The following PPM1E variants were observed in gnomAD, a reference collection of about 807,000 sequenced individuals.
PPM1E encodes the protein protein phosphatase, Mg2+/Mn2+ dependent 1E.
A neutral mutation model predicts 65.9 loss-of-function variants in PPM1E; 20 were observed. The ratio of observed to expected loss-of-function variants is 0.30; its 90% confidence interval spans 0.21 to 0.44. The LOEUF is 0.44. Among genes scored for constraint, PPM1E ranks in the 20% least tolerant of loss-of-function variants. The pLI, the probability that PPM1E is intolerant of heterozygous loss-of-function variation, is 1.00. For synonymous variants in PPM1E, 352 were observed against 374.9 expected (o/e 0.94, Z 0.70); for missense variants, 713 against 953.1 (o/e 0.75, Z 3.32).
intron 1 of PPM1E, among the ~76,000 whole-genome samples, chr17:58,787,643 T>A (rs959402657): frequency 3.3e-5 from 5 of 151,944 alleles, no homozygotes; most frequent in African/African-American, 1.2e-4. Context: ...GCACGGTGGC[T>A]CACACCTGTA....
chr17:58,800,579 A>G (rs1342828544), intron 1 of PPM1E, among the ~76,000 whole-genome samples: 1 of 152,130 alleles, frequency 6.6e-6, no homozygotes. Flanking sequence ...GTTTTTGATA[A>G]CAAAGTCAAT....
intron 1 of PPM1E, among the ~76,000 whole-genome samples, chr17:58,907,996 T>G (rs2051579535): frequency 6.6e-6 from 1 of 152,180 alleles, no homozygotes; most frequent in African/African-American, 2.4e-5. Flanking sequence ...TTGATATACT[T>G]GGATTATTTA....
In PPM1E at chr17:58,980,009, G is replaced by A; in HGVS notation, c.1246G>A (p.Ala416Thr). Residue 416 changes from alanine to threonine, a missense_variant, in exon 7 of 7, where the codon GCA (alanine) becomes ACA (threonine). Transcript: ENST00000308249. This position sits in a 1 kb window ranked among gnomAD's most constrained non-coding sequence, Gnocchi z 4.7. ...AEHKPYICGD[A>T]DSASTVLDGT... ...ACATAAGCCATATATCTGTGGGGAT[G>A]CAGATTCTGCCTCCACTGTTCTGGA... The A allele has an allele frequency of 6.2e-7, 1 of 1,614,038 alleles. No individual in the cohort carries two copies. Among genetic ancestry groups the A allele is most frequent in the Non-Finnish European group, 8.5e-7 (1 of 1,179,958 alleles).
intron 6 of PPM1E, among the ~76,000 whole-genome samples, chr17:58,976,718 C>T (rs1006592420): frequency 9.9e-5 from 15 of 152,186 alleles, no homozygotes; most frequent in African/African-American, 3.1e-4. Context: ...ATGAATTTGA[C>T]ACCCAACAGT....
chr17:58,980,293 A>T lies in PPM1E; in HGVS notation c.1530A>T (p.Gly510=). 1 of 1,614,192 alleles carries T rather than the reference A, an allele frequency of 6.2e-7. No individual in the cohort carries two copies. The highest frequency in any genetic ancestry group is 8.5e-7 in the Non-Finnish European group (1 of 1,180,030). The change falls in exon 7 of 7, where the codon GGA becomes GGT. Residue 510 remains glycine, a synonymous_variant. Coordinates refer to ENST00000308249, the MANE Select transcript of PPM1E (RefSeq NM_014906.5). This position sits in a 1 kb window ranked among gnomAD's most constrained non-coding sequence, Gnocchi z 4.7. ...ESDWTENSFQ[G]GQEDGGDDKE... Reference sequence around the variant, plus strand: ...ATTGGACAGAGAACTCTTTTCAAGGAGGGCAAGAAGATGGTGGGGATGATA... The same window carrying T: ...ATTGGACAGAGAACTCTTTTCAAGGTGGGCAAGAAGATGGTGGGGATGATA...
At position 58,983,788 on chromosome 17, in the gene PPM1E, A is replaced by C. The variant is rs895363431; in HGVS notation, c.*2757A>C. ...TTTTCAATTTAACATGGTCTGCATC[A>C]ATCTGTTTGCCTGCTAAACAAGTTA... On this transcript the variant is annotated 3_prime_UTR_variant, in exon 7 of 7. Coordinates refer to ENST00000308249, the MANE Select transcript of PPM1E (RefSeq NM_014906.5). 4 of 152,786 alleles carry C rather than the reference A, an allele frequency of 2.6e-5. No homozygotes were observed. Among genetic ancestry groups the C allele is most frequent in the African/African-American group, 9.6e-5 (4 of 41,594 alleles). 9.5% of individuals were successfully genotyped at this position (152,786 alleles called of 1,614,324 possible).
chr17:58,889,158 A>G (rs115579147), intron 1 of PPM1E, among the ~76,000 whole-genome samples: 33 of 152,304 alleles, frequency 2.2e-4, no homozygotes, highest in African/African-American at 7.9e-4. Flanking sequence ...TTAACCTTAT[A>G]CCAACTTAAC....
At chr17:58,763,689 G>T (rs879591887) in intron 1 of PPM1E, among the ~76,000 whole-genome samples, 4 of 152,112 alleles carry the variant, frequency 2.6e-5, no homozygotes, top group African/African-American at 4.8e-5. Context: ...GTTTTGTCCA[G>T]CAGTACTGTA....
chr17:58,841,680 C>T (rs144526783), intron 1 of PPM1E, among the ~76,000 whole-genome samples: 2,312 of 151,776 alleles, frequency 0.015, 55 homozygotes, highest in African/African-American at 0.052. Context: ...TGCACACCAC[C>T]GTGACCAGCT....
chr17:58,756,571 G>A (rs1020323257), intron 1 of PPM1E, 110 bp downstream of exon 1: 66 of 1,184,760 alleles, frequency 5.6e-5, no homozygotes, highest in African/African-American at 2.1e-4. Context: ...CCTCTCCCCC[G>A]CACCCGCGCC....
intron 1 of PPM1E, among the ~76,000 whole-genome samples, chr17:58,825,219 C>G (rs987015175): frequency 5.6e-5 from 6 of 107,528 alleles, no homozygotes; most frequent in African/African-American, 2.5e-4. Context: ...TTCTCACACA[C>G]ACACTCACAC....
chr17:58,957,307 G>A (rs1184522882), intron 2 of PPM1E, among the ~76,000 whole-genome samples: 1 of 152,136 alleles, frequency 6.6e-6, no homozygotes, highest in Non-Finnish European at 1.5e-5. Flanking sequence ...CCCTGCAGAA[G>A]GAGAATACTT....
intron 1 of PPM1E, among the ~76,000 whole-genome samples, chr17:58,848,655 T>C (rs2050794734): frequency 6.6e-6 from 1 of 152,230 alleles, no homozygotes; most frequent in Admixed American, 6.5e-5. Context: ...CTTTTTGATG[T>C]GCTGCTGGAT....
intron 1 of PPM1E, 33 bp from the exon 2 acceptor site, chr17:58,955,616 G>A: frequency 3.7e-6 from 6 of 1,608,344 alleles, no homozygotes; most frequent in Non-Finnish European, 5.1e-6. Flanking sequence ...TAATTCTTTT[G>A]CTGAAAATGG....
intron 1 of PPM1E, among the ~76,000 whole-genome samples, chr17:58,954,370 A>G (rs2052284099): frequency 6.6e-6 from 1 of 152,152 alleles, no homozygotes; most frequent in African/African-American, 2.4e-5. Context: ...AATTTAATTC[A>G]TATGTCTGAC....
chr17:58,805,989 ACAAAACAAAAC>A (rs2050309320), intron 1 of PPM1E, among the ~76,000 whole-genome samples: 13 of 109,128 alleles, frequency 1.2e-4, no homozygotes, highest in African/African-American at 2.2e-4. Flanking sequence ...AAAAAACAAA[ACAAAACAAAAC>A]AAAAAAAAAA....
chr17:58,882,053 C>A (rs1269241895), intron 1 of PPM1E, among the ~76,000 whole-genome samples: 1 of 151,040 alleles, frequency 6.6e-6, no homozygotes, highest in African/African-American at 2.4e-5. Context: ...TGCCTGTAGT[C>A]CCAGCTATTT....
At chr17:58,818,652 A>G (rs892694453) in intron 1 of PPM1E, among the ~76,000 whole-genome samples, 15 of 152,316 alleles carry the variant, frequency 9.8e-5, no homozygotes, top group African/African-American at 2.9e-4. Flanking sequence ...TATATGAGCC[A>G]ATGATAATTA....
chr17:58,799,076 T>C (rs1057201470), intron 1 of PPM1E, among the ~76,000 whole-genome samples: 2 of 152,196 alleles, frequency 1.3e-5, no homozygotes, highest in African/African-American at 4.8e-5. Flanking sequence ...AGATAAAGCT[T>C]AAGGTTCATT....
Sources: gnomAD v4.1 joint callset for allele counts (sites outside exome capture counted in the v4.1 genomes callset) on GRCh38, gnomAD v4.1.1 for gene constraint, Gnocchi (gnomAD v3.1) non-coding constraint, MANE v1.5 for transcripts, NCBI Gene and HGNC (gene_info 2026-07-23, HGNC 2026-07-21) for gene names.